Variants in MAD1L1 observed in about 807,000 individuals in gnomAD.
The protein encoded by MAD1L1 is mitotic spindle assembly checkpoint protein MAD1.
MAD1L1 carries 95 observed loss-of-function variants against 96.9 expected under a neutral mutation model. The ratio of observed to expected loss-of-function variants is 0.98; its 90% CI spans 0.83 to 1.16. The LOEUF (loss-of-function observed/expected upper bound fraction) is 1.16, where lower values mean the gene tolerates loss of function less well. Among genes scored for constraint, MAD1L1 ranks in the 50% most tolerant of loss-of-function variants. The pLI, the probability that MAD1L1 is intolerant of heterozygous loss-of-function variation, is 0.00. For synonymous variants in MAD1L1, 473 were observed against 396.6 expected, an observed-to-expected ratio of 1.19 and a Z score of -2.29; for missense variants, 1,007 against 954.4, an observed-to-expected ratio of 1.06 and a Z score of -0.73.
chr7:1,889,117 G>A (rs984950896), intron 18 of MAD1L1, among the ~76,000 whole-genome samples: 1 of 152,190 alleles, frequency 6.6e-6, no homozygotes, highest in African/African-American at 2.4e-5. Context: ...TTGGGCAGAT[G>A]CGATGATCCT....
Position 2,219,279 on chromosome 7 carries a change from G to A in MAD1L1, c.596+53C>T, listed in dbSNP as rs543993018. The A allele has an allele frequency of 1.3e-3, 1,979 of 1,481,688 alleles. 4 individuals carry two copies. Among genetic ancestry groups the A allele is most frequent in the Non-Finnish European group, 1.7e-3 (1,840 of 1,102,244 alleles). The allele number at this position is 1,481,688 out of a possible 1,614,324, so 91.8% of individuals were successfully genotyped here. On this transcript the variant is annotated intron_variant, in intron 6 of 18. Coordinates refer to ENST00000265854, the MANE Select transcript of MAD1L1 (RefSeq NM_001013836.2). ...CCAGCCACCAGGAGAGAGGTGGGAC[G>A]CATGCCCCCACACGTGACCCGACCC...
chr7:1,915,595 G>A (rs1274639592), intron 17 of MAD1L1, among the ~76,000 whole-genome samples: 5 of 152,244 alleles, frequency 3.3e-5, no homozygotes, highest in Admixed American at 2.0e-4. Flanking sequence ...ACCGATGGTC[G>A]GCTGCGTGGG....
intron 15 of MAD1L1, among the ~76,000 whole-genome samples, chr7:1,961,061 C>G (rs1043875930): frequency 8.5e-5 from 13 of 152,186 alleles, no homozygotes; most frequent in Admixed American, 5.9e-4. Context: ...CAAGAAAAAC[C>G]TGCACGTGAC....
chr7:2,009,896 C>T (rs893816859), intron 13 of MAD1L1, among the ~76,000 whole-genome samples: 1 of 151,788 alleles, frequency 6.6e-6, no homozygotes, highest in African/African-American at 2.4e-5. Flanking sequence ...ACGGGGAGCC[C>T]GGCTCAGCGC....
At chr7:2,229,187 C>G (rs897959991) in intron 3 of MAD1L1, among the ~76,000 whole-genome samples, 1 of 152,204 alleles carries the variant, frequency 6.6e-6, no homozygotes, top group Non-Finnish European at 1.5e-5. Flanking sequence ...AACTACAGAA[C>G]GGCTCTGGGG....
chr7:2,026,693 C>A (rs953741477), intron 12 of MAD1L1, among the ~76,000 whole-genome samples: 17 of 152,090 alleles, frequency 1.1e-4, no homozygotes, highest in African/African-American at 4.1e-4. Context: ...CTGAATAGCC[C>A]ATTGGTCAAA....
intron 18 of MAD1L1, among the ~76,000 whole-genome samples, chr7:1,839,943 C>T (rs1783154244): frequency 6.6e-6 from 1 of 152,240 alleles, no homozygotes; most frequent in African/African-American, 2.4e-5. Context: ...GGCCATCGGC[C>T]CCCCAATCCC....
intron 11 of MAD1L1, among the ~76,000 whole-genome samples, chr7:2,071,524 A>G (rs998562264): frequency 3.3e-5 from 5 of 152,212 alleles, no homozygotes; most frequent in Non-Finnish European, 5.9e-5. Flanking sequence ...TCCATGTGCC[A>G]ATGACTGACG....
intron 17 of MAD1L1, 80 bp from the exon 18 acceptor site, chr7:1,898,470 G>A (rs866366806): frequency 3.1e-6 from 4 of 1,285,802 alleles, no homozygotes; most frequent in African/African-American, 1.5e-5. Context: ...AGGGCAGGGA[G>A]GAAGCCGAGT....
intron 18 of MAD1L1, among the ~76,000 whole-genome samples, chr7:1,834,322 G>C (rs1215799471): frequency 6.6e-6 from 1 of 152,024 alleles, no homozygotes; most frequent in Non-Finnish European, 1.5e-5. Flanking sequence ...AAAGATCAAA[G>C]CAACAATGGT....
intron 11 of MAD1L1, among the ~76,000 whole-genome samples, chr7:2,123,459 CTG>C (rs1490708072): frequency 6.6e-6 from 1 of 152,180 alleles, no homozygotes; most frequent in Non-Finnish European, 1.5e-5. Flanking sequence ...GGCCCTGGTC[CTG>C]TGTGTGAGGG....
rs560450774 is a variant in MAD1L1 at position 2,215,766 on chromosome 7, C to T, written c.924+119G>A. ...TGGGGACCACGATTCTGCCTCCCAC[C>T]CCATCACAGCAACCTCCATGTTGTA... is the stretch of plus-strand genomic sequence containing the variant. On this transcript the variant is annotated intron_variant, in intron 9 of 18. Coordinates refer to ENST00000265854, the MANE Select transcript of MAD1L1 (RefSeq NM_001013836.2). 1.6e-4 allele frequency: 147 copies of T among 896,994 alleles called. No individual in the cohort carries two copies. In the African/African-American group the frequency reaches 1.8e-3, roughly 11 times the overall value. 55.6% of individuals were successfully genotyped at this position (896,994 alleles called of 1,614,324 possible).
intron 17 of MAD1L1, among the ~76,000 whole-genome samples, chr7:1,912,136 TGGCAGGGGTCCAGATGGC>T (rs910297042): frequency 1.3e-5 from 2 of 151,928 alleles, no homozygotes; most frequent in African/African-American, 4.8e-5. Context: ...GAAACTGGGG[TGGCAGGGGTCCAGATGGC>T]GGCAGGGGCC....
intron 11 of MAD1L1, among the ~76,000 whole-genome samples, chr7:2,105,692 C>T (rs1434054385): frequency 6.6e-6 from 1 of 152,102 alleles, no homozygotes; most frequent in African/African-American, 2.4e-5. Flanking sequence ...CTGGTGGCCT[C>T]GGCCTGTCTC....
chr7:2,156,812 A>G lies in MAD1L1; in HGVS notation c.987-7574T>C, dbSNP rs552282910. The stretch of plus-strand genomic sequence containing the variant: ...CTCCAGCCTGCGCAACAAGAGCAAG[A>G]CTCCATCTCAAAAAAAAAAAAAAAG... On this transcript the variant is annotated intron_variant, in intron 10 of 18. Transcript: ENST00000265854. Among the ~76,000 whole-genome samples the G allele has an allele frequency of 3.9e-4, 56 of 142,860 alleles. 2 individuals carry two copies. The South Asian group carries it at 0.013, about 33-fold the overall frequency. The allele number at this position is 142,860 out of a possible 152,430, so 93.7% of individuals were successfully genotyped here.
At position 1,926,442 on chromosome 7, in the gene MAD1L1, C is replaced by T. The variant is rs189509520; in HGVS notation, c.1807+10245G>A. On this transcript the variant is annotated intron_variant, in intron 17 of 18. Transcript: ENST00000265854. ...AGGGCAGTACAAGAAAGCTACAGAC[C>T]AATATGAACACAGACGTGAAGATTA... Among the ~76,000 whole-genome samples, 265 of 152,236 alleles carry T rather than the reference C, an allele frequency of 1.7e-3. 1 individual carries two copies. The highest frequency in any genetic ancestry group is 6.0e-3 in the African/African-American group (250 of 41,534).
intron 18 of MAD1L1, among the ~76,000 whole-genome samples, chr7:1,883,710 G>A (rs1382074188): frequency 2.6e-5 from 4 of 152,216 alleles, no homozygotes; most frequent in African/African-American, 9.7e-5. Context: ...CACGGAGGCC[G>A]AGGCAGAGGG....
chr7:2,097,316 C>T (rs1786544581), intron 11 of MAD1L1, among the ~76,000 whole-genome samples: 1 of 152,220 alleles, frequency 6.6e-6, no homozygotes, highest in Non-Finnish European at 1.5e-5. Flanking sequence ...CCGCTAAGGC[C>T]TCCTCAGCCA....
In MAD1L1 at chr7:2,086,495, C is replaced by G. The variant is rs995617231; in HGVS notation, c.1074-17157G>C. On this transcript the variant is annotated intron_variant, in intron 11 of 18. Coordinates refer to ENST00000265854, the MANE Select transcript of MAD1L1 (RefSeq NM_001013836.2). ...GACGGAGCCACACACGGCCTCTGCC[C>G]ATGGGAAAGCCGTAAACGCTGCAGG... Among the ~76,000 whole-genome samples the G allele has an allele frequency of 8.5e-5, 13 of 152,244 alleles. No homozygotes were observed. In the East Asian group the frequency reaches 2.3e-3, roughly 27 times the overall value.
Sources: allele counts gnomAD v4.1 joint callset (sites outside exome capture counted in the v4.1 genomes callset), GRCh38; gene constraint gnomAD v4.1.1; transcripts MANE v1.5; gene names NCBI Gene and HGNC (gene_info 2026-07-23, HGNC 2026-07-21).